Variants in LHX8 observed in about 807,000 individuals in gnomAD.
LHX8 encodes LIM homeobox 8.
LHX8 carries 12 observed loss-of-function variants against 40.3 expected under a neutral mutation model. The ratio of observed to expected loss-of-function variants is 0.30; its 90% confidence interval spans 0.19 to 0.48. The LOEUF (loss-of-function observed/expected upper bound fraction) is 0.48. Ranked by LOEUF, LHX8 falls within the 20% of genes least tolerant of loss-of-function variation. The probability of loss-of-function intolerance (pLI) is 0.99; values close to 1 mark genes in which losing one functional copy is unlikely to be tolerated. For missense variants in LHX8, 344 were observed against 433.7 expected, an observed-to-expected ratio of 0.79 and a Z score of 1.84; for synonymous variants, 179 against 162.0, an observed-to-expected ratio of 1.10 and a Z score of -0.80.
chr1:75,139,884 G>A (rs1007852529), intron 3 of LHX8, among the ~76,000 whole-genome samples: 1 of 152,146 alleles, frequency 6.6e-6, no homozygotes, highest in East Asian at 1.9e-4. Context: ...CTTTATTATG[G>A]AATAGTTGAG....
intron 7 of LHX8, among the ~76,000 whole-genome samples, chr1:75,155,461 C>G (rs532478538): frequency 2.7e-4 from 41 of 152,176 alleles, no homozygotes; most frequent in African/African-American, 9.4e-4. Context: ...GTCTCGATCT[C>G]CTGACCTTGT....
At chr1:75,172,571 C>T in the LHX8 span, among the ~76,000 whole-genome samples, 14 of 152,086 alleles carry the variant, frequency 9.2e-5, no homozygotes, top group African/African-American at 3.1e-4. Flanking sequence ...ACATCATTTC[C>T]CTTACCAGGA....
At chr1:75,136,097 C>T (rs549496364) in intron 1 of LHX8, among the ~76,000 whole-genome samples, 1 of 152,136 alleles carries the variant, frequency 6.6e-6, no homozygotes, top group Non-Finnish European at 1.5e-5. Context: ...CAAAAAGCCC[C>T]CTTTTTAAAA....
chr1:75,156,801 T>C (rs1225153100), intron 7 of LHX8, 92 bp from the exon 8 acceptor site: 1 of 1,112,064 alleles, frequency 9.0e-7, no homozygotes. Flanking sequence ...GGTAGTGTGA[T>C]TGAGGTTGCA....
chr1:75,139,747 C>T (rs1445814893), intron 3 of LHX8, among the ~76,000 whole-genome samples: 2 of 152,142 alleles, frequency 1.3e-5, no homozygotes, highest in African/African-American at 2.4e-5. Context: ...ATGAGACTCT[C>T]ATTAATGCTT....
At chr1:75,190,614 A>G in the LHX8 span, among the ~76,000 whole-genome samples, 7 of 152,242 alleles carry the variant, frequency 4.6e-5, no homozygotes, top group Non-Finnish European at 1.5e-5. Context: ...ATTCTTCAAA[A>G]CAAACCATGA....
intron 8 of LHX8, chr1:75,159,815 A>AC (rs1648869855): frequency 2.0e-5 from 3 of 152,132 alleles, no homozygotes; most frequent in African/African-American, 4.8e-5. Context: ...GATTAGTTTT[A>AC]CCCCCCAGGT....
chr1:75,131,083 G>A, upstream of LHX8: 1 of 391,130 alleles, frequency 2.6e-6, no homozygotes, highest in South Asian at 2.4e-5. Flanking sequence ...CGCAAGAGCA[G>A]GGCTCTGTTT....
At chr1:75,175,721 G>A in the LHX8 span, among the ~76,000 whole-genome samples, 7 of 151,670 alleles carry the variant, frequency 4.6e-5, no homozygotes, top group African/African-American at 1.2e-4. Context: ...TGTACACAAC[G>A]TGCAGGTTTG....
chr1:75,130,788 AAT>A, upstream of LHX8: 2 of 1,541,776 alleles, frequency 1.3e-6, no homozygotes, highest in Non-Finnish European at 9.0e-7. Flanking sequence ...TTTCCAGACT[AAT>A]ATTTATAATG....
intron 7 of LHX8, among the ~76,000 whole-genome samples, chr1:75,151,515 T>C (rs899291853): frequency 6.6e-6 from 1 of 152,144 alleles, no homozygotes; most frequent in East Asian, 1.9e-4. Flanking sequence ...GTAGGTGTCT[T>C]TAAATATTTG....
At chr1:75,171,117 A>G in the LHX8 span, among the ~76,000 whole-genome samples, 2 of 152,212 alleles carry the variant, frequency 1.3e-5, no homozygotes, top group African/African-American at 4.8e-5. Context: ...AGGCACGCTC[A>G]GAGCTTAACC....
chr1:75,177,347 C>T, the LHX8 span, among the ~76,000 whole-genome samples: 3 of 152,132 alleles, frequency 2.0e-5, no homozygotes, highest in South Asian at 2.1e-4. Flanking sequence ...TCTTTTATTT[C>T]GTTGATCAGT....
intron 3 of LHX8, among the ~76,000 whole-genome samples, chr1:75,139,913 G>A (rs1648266895): frequency 2.0e-5 from 3 of 152,170 alleles, no homozygotes; most frequent in Admixed American, 2.0e-4. Context: ...ATATCTCACA[G>A]TCATTTACTT....
Position 75,149,465 on chromosome 1 carries a change from C to T in LHX8, c.780+783C>T, listed in dbSNP as rs554166093. Among the ~76,000 whole-genome samples the T allele has an allele frequency of 3.9e-5, 6 of 152,160 alleles. No individual in the cohort carries two copies. The South Asian group carries it at 1.2e-3, about 32-fold the overall frequency. ...AGCTTAGTTGGAAGGCTGGAATGCC[C>T]AGCAACGTAGTGTGGTTTTGTTGTT... On this transcript the variant is annotated intron_variant, in intron 7 of 8. Coordinates refer to ENST00000356261, the MANE Select transcript of LHX8 (RefSeq NM_001256114.2).
At chr1:75,193,722 T>C in the LHX8 span, among the ~76,000 whole-genome samples, 1 of 152,220 alleles carries the variant, frequency 6.6e-6, no homozygotes, top group African/African-American at 2.4e-5. Context: ...TTTATCTAAC[T>C]AGCTACTTTG....
the LHX8 span, among the ~76,000 whole-genome samples, chr1:75,167,044 T>A: frequency 6.6e-6 from 1 of 152,192 alleles, no homozygotes; most frequent in Admixed American, 6.5e-5. Flanking sequence ...CCTGCTTGTG[T>A]TCTAATCTGA....
At chr1:75,133,548 C>A (rs1648028926), upstream of LHX8, among the ~76,000 whole-genome samples, 1 of 152,144 alleles carries the variant, frequency 6.6e-6, no homozygotes, top group African/African-American at 2.4e-5. Context: ...AGAAGTTTAG[C>A]TTTTTAAATG....
chr1:75,198,744 A>AT, the LHX8 span, among the ~76,000 whole-genome samples: 1 of 152,062 alleles, frequency 6.6e-6, no homozygotes, highest in Non-Finnish European at 1.5e-5. Flanking sequence ...CATTTTCATA[A>AT]TTTTTTTCCT....
Sources: gnomAD v4.1 joint callset for allele counts (sites outside exome capture counted in the v4.1 genomes callset) on GRCh38, gnomAD v4.1.1 for gene constraint, MANE v1.5 for transcripts, NCBI Gene and HGNC (gene_info 2026-07-23, HGNC 2026-07-21) for gene names.